ARHGEF9: variants seen among roughly 807,000 people sequenced by gnomAD.
The protein encoded by ARHGEF9 is Cdc42 guanine nucleotide exchange factor 9.
A neutral mutation model predicts 41.3 loss-of-function variants in ARHGEF9; 2 were observed. The ratio of observed to expected loss-of-function variants is 0.05; its 90% CI spans 0.02 to 0.15. The LOEUF (loss-of-function observed/expected upper bound fraction) is 0.15, where lower values mean the gene tolerates loss of function less well. Among genes scored for constraint, ARHGEF9 ranks in the 10% least tolerant of loss-of-function variants. ARHGEF9 has a pLI of 1.00. For missense variants in ARHGEF9, 225 were observed against 424.7 expected (o/e 0.53, Z 4.13); for synonymous variants, 160 against 154.4 (o/e 1.04, Z -0.27).
At chrX:63,643,063 T>A (rs1556308093) in intron 9 of ARHGEF9, among the ~76,000 whole-genome samples, 2 of 112,036 alleles carry the variant, frequency 1.8e-5, no homozygotes, top group African/African-American at 6.5e-5. Context: ...AAATAACATA[T>A]AAAGTGACTG....
intron 1 of ARHGEF9, chrX:63,755,808 G>A: frequency 1.3e-6 from 1 of 742,828 alleles, no homozygotes; most frequent in Non-Finnish European, 1.6e-6. Flanking sequence ...ATTCTATTTG[G>A]CTTTCCCTGA....
chrX:63,724,399 A>G (rs1171813830), intron 2 of ARHGEF9, 133 bp downstream of exon 2: 8 of 740,665 alleles, frequency 1.1e-5, no homozygotes, highest in African/African-American at 6.5e-5. Flanking sequence ...GTATGAGACA[A>G]TTTTAAAAAA....
At chrX:63,656,462 T>C (rs1392301238) in intron 7 of ARHGEF9, 2 of 111,520 alleles carry the variant, frequency 1.8e-5, no homozygotes, top group Admixed American at 1.9e-4. Context: ...ACACTCATAA[T>C]TGGTCCATGC....
chrX:63,766,434 G>A (rs1556451879), intron 1 of ARHGEF9, among the ~76,000 whole-genome samples: 1 of 111,756 alleles, frequency 8.9e-6, no homozygotes, highest in Admixed American at 9.5e-5. Context: ...CATCTTACCT[G>A]GGCCAAAAGA....
At chrX:63,638,339 A>G in intron 9 of ARHGEF9, 130 bp from the exon 10 acceptor site, 1 of 608,683 alleles carries the variant, frequency 1.6e-6, no homozygotes, top group Non-Finnish European at 2.7e-6. Context: ...CTGGTTTTAC[A>G]AATCATCCAA....
At chrX:63,751,822 A>C (rs2055653795) in intron 1 of ARHGEF9, among the ~76,000 whole-genome samples, 1 of 109,467 alleles carries the variant, frequency 9.1e-6, no homozygotes, top group South Asian at 4.0e-4. Context: ...CCGCATCCAC[A>C]CTCAGGAGTG....
chrX:63,770,507 G>A (rs2056186196), intron 1 of ARHGEF9, among the ~76,000 whole-genome samples: 1 of 111,909 alleles, frequency 8.9e-6, no homozygotes, highest in Non-Finnish European at 1.9e-5. Flanking sequence ...GTAAACTTTT[G>A]GGTTAATGCT....
chrX:63,655,464 T>C, intron 8 of ARHGEF9, 30 bp downstream of exon 8: 1 of 1,210,126 alleles, frequency 8.3e-7, no homozygotes, highest in Non-Finnish European at 1.1e-6. Flanking sequence ...TTCATAGCCA[T>C]GTTCTTCTTT....
intron 1 of ARHGEF9, among the ~76,000 whole-genome samples, chrX:63,741,683 G>A (rs1193287198): frequency 1.8e-5 from 2 of 112,554 alleles, no homozygotes; most frequent in African/African-American, 6.5e-5. Flanking sequence ...TATGTATGTG[G>A]GTGCACAATT....
At chrX:63,755,934 GTT>G in intron 1 of ARHGEF9, 3 of 639,566 alleles carry the variant, frequency 4.7e-6, no homozygotes, top group South Asian at 1.6e-4. Flanking sequence ...CCAGCATAGG[GTT>G]AAACATTCGC....
chrX:63,718,130 C>T (rs1235474154), intron 2 of ARHGEF9, among the ~76,000 whole-genome samples: 1 of 111,100 alleles, frequency 9.0e-6, no homozygotes, highest in African/African-American at 3.3e-5. Context: ...GGACAACAGA[C>T]CTCTCAAGAT....
chrX:63,783,508 G>C (rs782460772), intron 1 of ARHGEF9, among the ~76,000 whole-genome samples: 18 of 111,370 alleles, frequency 1.6e-4, no homozygotes, highest in Non-Finnish European at 2.3e-4. Context: ...CACCCGCCTC[G>C]GCCTCCCAAA....
intron 1 of ARHGEF9, among the ~76,000 whole-genome samples, chrX:63,782,001 C>T (rs1162745192): frequency 8.9e-6 from 1 of 112,029 alleles, no homozygotes; most frequent in Non-Finnish European, 1.9e-5. Context: ...ACTAGTGAGG[C>T]TTTGATGGAT....
chrX:63,673,810 A>T (rs1418221699), intron 6 of ARHGEF9, among the ~76,000 whole-genome samples: 7 of 111,529 alleles, frequency 6.3e-5, no homozygotes, highest in African/African-American at 1.6e-4. Flanking sequence ...GAAGAAATGA[A>T]CCTTTCATTT....
At chrX:63,680,093 G>A (rs1427589588) in intron 4 of ARHGEF9, among the ~76,000 whole-genome samples, 5 of 111,702 alleles carry the variant, frequency 4.5e-5, no homozygotes, top group Admixed American at 2.8e-4. Flanking sequence ...AATGGCAGCC[G>A]AAAAAATTTT....
chrX:63,754,031 T>C (rs1431506493), intron 1 of ARHGEF9, among the ~76,000 whole-genome samples: 3 of 111,982 alleles, frequency 2.7e-5, no homozygotes, highest in Non-Finnish European at 3.8e-5. Context: ...GCACTCCTGA[T>C]GGCAAGAGAG....
intron 9 of ARHGEF9, chrX:63,640,615 A>G (rs1556304839): frequency 8.9e-6 from 1 of 112,114 alleles, no homozygotes; most frequent in Non-Finnish European, 1.9e-5. Flanking sequence ...AGCAGCGTGA[A>G]AGACAAAGGT....
chrX:63,766,204 A>G (rs2056110997), intron 1 of ARHGEF9, among the ~76,000 whole-genome samples: 2 of 112,211 alleles, frequency 1.8e-5, no homozygotes, highest in Non-Finnish European at 3.8e-5. Context: ...TAGTGCCTAA[A>G]ACAGTGCCTG....
chrX:63,734,320 A>T (rs1727206888), intron 1 of ARHGEF9, among the ~76,000 whole-genome samples: 2 of 112,289 alleles, frequency 1.8e-5, no homozygotes, highest in Non-Finnish European at 3.8e-5. Context: ...ACAGCTCCCA[A>T]TCTGATAAAC....
Sources: allele counts gnomAD v4.1 joint callset (sites outside exome capture counted in the v4.1 genomes callset), GRCh38; gene constraint gnomAD v4.1.1; transcripts MANE v1.5; gene names NCBI Gene and HGNC (gene_info 2026-07-23, HGNC 2026-07-21).